The following SPAG16 variants were observed in gnomAD, a reference collection of about 807,000 sequenced individuals.
SPAG16 encodes sperm associated antigen 16.
SPAG16 carries 86 observed loss-of-function variants against 80.4 expected under a neutral mutation model. The observed-to-expected ratio is 1.07, with a 90% CI of 0.90 to 1.28. SPAG16 has a LOEUF of 1.28. Ranked by LOEUF, SPAG16 falls within the 50% of genes most tolerant of loss-of-function variation. The pLI, the probability that SPAG16 is intolerant of heterozygous loss-of-function variation, is 0.00. For missense variants in SPAG16, 870 were observed against 765.3 expected (o/e 1.14, Z -1.61); for synonymous variants, 294 against 265.9 (o/e 1.11, Z -1.03).
intron 10 of SPAG16, among the ~76,000 whole-genome samples, chr2:213,840,278 A>G (rs2074302653): frequency 6.6e-6 from 1 of 152,180 alleles, no homozygotes; most frequent in African/African-American, 2.4e-5. Context: ...TACATTGATA[A>G]TTGAGACAAA....
intron 15 of SPAG16, among the ~76,000 whole-genome samples, chr2:214,277,161 C>T (rs751900730): frequency 4.1e-4 from 62 of 152,076 alleles, no homozygotes; most frequent in Non-Finnish European, 6.6e-4. Flanking sequence ...GTCTTCTCTA[C>T]ATTGTTTATT....
At chr2:214,374,441 A>G (rs954519758) in intron 15 of SPAG16, among the ~76,000 whole-genome samples, 10 of 152,204 alleles carry the variant, frequency 6.6e-5, no homozygotes, top group African/African-American at 2.4e-4. Flanking sequence ...ACCTCTCGAT[A>G]TTTCATGAAA....
At chr2:213,290,683 G>GCA (rs1266588353) in intron 1 of SPAG16, among the ~76,000 whole-genome samples, 16 of 152,306 alleles carry the variant, frequency 1.1e-4, no homozygotes, top group African/African-American at 3.9e-4. Context: ...TGAGAACTGT[G>GCA]ATTAGCTTAA....
chr2:213,774,909 A>G (rs1452964579), intron 10 of SPAG16, among the ~76,000 whole-genome samples: 1 of 152,192 alleles, frequency 6.6e-6, no homozygotes. Flanking sequence ...TGAAGTATGC[A>G]TGCTGGAGGG....
At chr2:214,319,200 C>CACACACACA (rs140486125) in intron 15 of SPAG16, among the ~76,000 whole-genome samples, 16 of 142,340 alleles carry the variant, frequency 1.1e-4, no homozygotes, top group African/African-American at 4.2e-4. Context: ...CACACACACA[C>CACACACACA]CACACACACA....
At chr2:213,935,570 T>TGTAA (rs2078953073) in intron 12 of SPAG16, among the ~76,000 whole-genome samples, 1 of 152,224 alleles carries the variant, frequency 6.6e-6, no homozygotes, top group Non-Finnish European at 1.5e-5. Flanking sequence ...AGGTAATGCT[T>TGTAA]GTAAGACTAG....
intron 13 of SPAG16, among the ~76,000 whole-genome samples, chr2:214,061,054 A>G (rs1369713735): frequency 6.6e-6 from 1 of 152,158 alleles, no homozygotes; most frequent in Non-Finnish European, 1.5e-5. Flanking sequence ...CTCTAAGAGG[A>G]GAAGTTGAAA....
At chr2:213,742,660 T>A (rs2067618968) in intron 10 of SPAG16, among the ~76,000 whole-genome samples, 1 of 150,390 alleles carries the variant, frequency 6.6e-6, no homozygotes, top group South Asian at 2.1e-4. Context: ...CAAGCAATTC[T>A]CCAGTCTCAG....
intron 12 of SPAG16, among the ~76,000 whole-genome samples, chr2:213,980,403 G>A (rs1478496335): frequency 3.5e-5 from 1 of 28,336 alleles, no homozygotes; most frequent in African/African-American, 2.4e-4. Flanking sequence ...ATATATGTGT[G>A]TATATATATT....
intron 15 of SPAG16, among the ~76,000 whole-genome samples, chr2:214,153,150 T>A (rs1486390009): frequency 6.6e-6 from 1 of 152,016 alleles, no homozygotes; most frequent in Non-Finnish European, 1.5e-5. Flanking sequence ...CTTGACACAT[T>A]TCGCTACCGC....
rs1688504139 is a variant in SPAG16 at position 214,229,087 on chromosome 2, G to A, written c.1720+79821G>A. ...TATACCAGGGACTATGGTAGGTACA[G>A]GAGATACAACCAGAAGCAAAACAGA... On this transcript the variant is annotated intron_variant, in intron 15 of 15. Transcript: ENST00000331683. Among the ~76,000 whole-genome samples, 7 of 151,586 alleles carry A rather than the reference G, an allele frequency of 4.6e-5. No homozygotes were observed. In the South Asian group the frequency reaches 1.4e-3, roughly 31 times the overall value.
intron 12 of SPAG16, among the ~76,000 whole-genome samples, chr2:213,995,837 T>C (rs1050130563): frequency 6.6e-6 from 1 of 152,188 alleles, no homozygotes; most frequent in Non-Finnish European, 1.5e-5. Flanking sequence ...CTGTGGTGTT[T>C]CCCTCTGAGA....
chr2:214,240,331 T>G (rs1481952242), intron 15 of SPAG16: 1 of 152,220 alleles, frequency 6.6e-6, no homozygotes, highest in Admixed American at 6.5e-5. Context: ...AAGTGTATTT[T>G]TTAAAATTGT....
At chr2:213,437,396 A>G (rs890389301) in intron 9 of SPAG16, among the ~76,000 whole-genome samples, 1 of 152,222 alleles carries the variant, frequency 6.6e-6, no homozygotes, top group Non-Finnish European at 1.5e-5. Context: ...AAATAATGAA[A>G]CGGCTTCAAA....
intron 10 of SPAG16, among the ~76,000 whole-genome samples, chr2:213,680,526 C>G (rs2064327453): frequency 6.6e-6 from 1 of 152,096 alleles, no homozygotes; most frequent in Non-Finnish European, 1.5e-5. Context: ...GTTCAAGACC[C>G]TAAACCTGTA....
At chr2:213,646,361 A>G (rs146622416) in intron 10 of SPAG16, among the ~76,000 whole-genome samples, 1 of 152,302 alleles carries the variant, frequency 6.6e-6, no homozygotes, top group Admixed American at 6.5e-5. Flanking sequence ...AGGCATTTTT[A>G]TTATATACAA....
intron 9 of SPAG16, among the ~76,000 whole-genome samples, chr2:213,428,445 T>G (rs903926607): frequency 6.6e-6 from 1 of 152,142 alleles, no homozygotes; most frequent in African/African-American, 2.4e-5. Flanking sequence ...CAATCCTAGC[T>G]CATACAAAGC....
chr2:214,079,718 T>C (rs1488359927), intron 13 of SPAG16, among the ~76,000 whole-genome samples: 4 of 152,202 alleles, frequency 2.6e-5, no homozygotes, highest in Non-Finnish European at 5.9e-5. Flanking sequence ...CCACCTATTT[T>C]ATTAATTGCC....
intron 13 of SPAG16, among the ~76,000 whole-genome samples, chr2:214,066,128 A>G (rs889866417): frequency 6.6e-6 from 1 of 152,150 alleles, no homozygotes; most frequent in Non-Finnish European, 1.5e-5. Flanking sequence ...CTGTTCTTAA[A>G]TCTTGCTAAT....
Sources: gnomAD v4.1 joint callset for allele counts (sites outside exome capture counted in the v4.1 genomes callset) on GRCh38, gnomAD v4.1.1 for gene constraint, MANE v1.5 for transcripts, NCBI Gene and HGNC (gene_info 2026-07-23, HGNC 2026-07-21) for gene names.